The following URI1 variants were observed in gnomAD, a reference collection of about 807,000 sequenced individuals.
URI1 encodes the protein unconventional prefoldin RPB5 interactor 1.
In URI1, 39 loss-of-function variants were observed where a neutral mutation model predicts 60.2. The observed-to-expected ratio is 0.65, with a 90% confidence interval of 0.50 to 0.85. The LOEUF (loss-of-function observed/expected upper bound fraction) is 0.85, where lower values mean the gene tolerates loss of function less well. URI1 is among the 40% of genes least tolerant of loss of function. The pLI is 0.00. For missense variants in URI1, 691 were observed against 665.9 expected (o/e 1.04, Z -0.42); for synonymous variants, 251 against 236.8 (o/e 1.06, Z -0.55).
At chr19:29,997,024 A>G (rs1221065487) in intron 4 of URI1, among the ~76,000 whole-genome samples, 1 of 152,100 alleles carries the variant, frequency 6.6e-6, no homozygotes, top group Non-Finnish European at 1.5e-5. Flanking sequence ...CATTTTGTTG[A>G]GGATTTTTAT....
chr19:29,991,849 A>G (rs1012530013), intron 4 of URI1, among the ~76,000 whole-genome samples: 2 of 152,132 alleles, frequency 1.3e-5, no homozygotes, highest in East Asian at 1.9e-4. Context: ...TATTTTCTGC[A>G]TCTATTGATA....
At chr19:29,931,383 C>T (rs1428662270) in intron 1 of URI1, among the ~76,000 whole-genome samples, 1 of 152,130 alleles carries the variant, frequency 6.6e-6, no homozygotes, top group African/African-American at 2.4e-5. Context: ...TTGTCCATGA[C>T]CACCTTCTTA....
chr19:30,002,266 TA>T (rs2055888254), intron 4 of URI1, among the ~76,000 whole-genome samples: 1 of 152,092 alleles, frequency 6.6e-6, no homozygotes, highest in Admixed American at 6.6e-5. Flanking sequence ...AACTGTTAAC[TA>T]AATGTTTCTA....
intron 10 of URI1, 81 bp downstream of exon 10, chr19:30,012,612 GATTAA>G (rs1483680195): frequency 1.3e-5 from 19 of 1,497,132 alleles, no homozygotes; most frequent in East Asian, 4.6e-5. Context: ...AAAGTCATAA[GATTAA>G]ATTAATTCTA....
intron 1 of URI1, among the ~76,000 whole-genome samples, chr19:29,929,335 G>A (rs2054896192): frequency 6.7e-6 from 1 of 149,926 alleles, no homozygotes; most frequent in African/African-American, 2.5e-5. Flanking sequence ...GGTGACTCAT[G>A]CCTGTAATCC....
chr19:29,982,451 T>C (rs930672300), intron 2 of URI1, among the ~76,000 whole-genome samples: 7 of 152,312 alleles, frequency 4.6e-5, no homozygotes, highest in South Asian at 2.1e-4. Context: ...ATAAGACTTA[T>C]TGAATGGTGA....
intron 2 of URI1, among the ~76,000 whole-genome samples, chr19:29,979,966 A>G (rs929958594): frequency 1.2e-4 from 19 of 152,198 alleles, no homozygotes; most frequent in African/African-American, 4.6e-4. Context: ...ACCAAATTGC[A>G]TAAAGCATAA....
intron 1 of URI1, among the ~76,000 whole-genome samples, chr19:29,953,093 A>G (rs2055199548): frequency 6.6e-6 from 1 of 152,214 alleles, no homozygotes; most frequent in Non-Finnish European, 1.5e-5. Flanking sequence ...AAATTCATCT[A>G]GGATATTTTC....
chr19:30,001,568 A>C (rs1452174176), intron 4 of URI1, among the ~76,000 whole-genome samples: 1 of 151,852 alleles, frequency 6.6e-6, no homozygotes, highest in Non-Finnish European at 1.5e-5. Flanking sequence ...CTTTCTTGTG[A>C]GATTAGGGTT....
intron 1 of URI1, among the ~76,000 whole-genome samples, chr19:29,950,584 C>T (rs1343766105): frequency 1.3e-5 from 2 of 152,146 alleles, no homozygotes; most frequent in Non-Finnish European, 2.9e-5. Context: ...TTTCCCCCTG[C>T]AGAACCATTC....
At chr19:29,980,595 T>C (rs1482854785) in intron 2 of URI1, among the ~76,000 whole-genome samples, 2 of 102,792 alleles carry the variant, frequency 1.9e-5, no homozygotes, top group East Asian at 2.8e-4. Context: ...AAGAGAGTGA[T>C]AGAAGATTTT....
intron 4 of URI1, among the ~76,000 whole-genome samples, chr19:30,001,076 T>TA (rs1458093276): frequency 6.6e-6 from 1 of 151,894 alleles, no homozygotes; most frequent in African/African-American, 2.4e-5. Context: ...TTTTTTCTTT[T>TA]AAAGTTTTCA....
intron 2 of URI1, among the ~76,000 whole-genome samples, chr19:29,974,834 A>G (rs1237005834): frequency 6.6e-6 from 1 of 152,148 alleles, no homozygotes; most frequent in Admixed American, 6.6e-5. Flanking sequence ...GTGAGAATAT[A>G]CAGTATTTGG....
chr19:30,006,462 G>A (rs1015828166), intron 6 of URI1, among the ~76,000 whole-genome samples: 1 of 152,090 alleles, frequency 6.6e-6, no homozygotes, highest in South Asian at 2.1e-4. Flanking sequence ...ACAGGAAGTG[G>A]CTTTAGAAGG....
chr19:29,986,262 T>C lies in URI1; in HGVS notation c.232-20T>C, dbSNP rs774238227. 2.0e-6 allele frequency: 3 copies of C among 1,537,420 alleles called. No homozygotes were observed. The highest frequency in any genetic ancestry group is 1.4e-5 in the African/African-American group (1 of 70,396). ...AGTGTTTTATGTTTTTTCCCTTTTTTCTTTTTTTTTAAACAATAGGTACCA... is the reference window on the plus strand; with the variant it reads ...AGTGTTTTATGTTTTTTCCCTTTTTCCTTTTTTTTTAAACAATAGGTACCA... On this transcript the variant is annotated intron_variant, in intron 3 of 10. Coordinates refer to ENST00000392271, the MANE Select transcript of URI1 (RefSeq NM_003796.3).
intron 1 of URI1, among the ~76,000 whole-genome samples, chr19:29,948,550 C>CTTTTTT (rs559685920): frequency 1.3e-5 from 2 of 151,950 alleles, no homozygotes; most frequent in African/African-American, 4.8e-5. Context: ...GTTGAAGTTA[C>CTTTTTT]TTTTTTTTGC....
intron 1 of URI1, chr19:29,956,922 G>T (rs113739589): frequency 9.1e-7 from 1 of 1,094,102 alleles, no homozygotes; most frequent in African/African-American, 1.5e-5. Context: ...ATAACTGTGC[G>T]TCCCTTCAGA....
chr19:29,986,563 T>A, intron 4 of URI1, 146 bp downstream of exon 4: 1 of 1,015,000 alleles, frequency 9.9e-7, no homozygotes, highest in Non-Finnish European at 1.4e-6. Flanking sequence ...GTAGGTAGTT[T>A]GAGTAGAACC....
chr19:30,012,125 G>T lies in URI1; in HGVS notation c.1179-160G>T, dbSNP rs2056028567. ...TCAAAATAGTATGAAGATACCATTT[G>T]AGGCTATAAAATTATTGTGATTGTG... On this transcript the variant is annotated intron_variant, in intron 9 of 10. Coordinates refer to ENST00000392271, the MANE Select transcript of URI1 (RefSeq NM_003796.3). Among the ~76,000 whole-genome samples the T allele has an allele frequency of 3.9e-5, 6 of 152,200 alleles. No homozygotes were observed. In the South Asian group the frequency reaches 1.2e-3, roughly 31 times the overall value.
Sources: allele counts gnomAD v4.1 joint callset (sites outside exome capture counted in the v4.1 genomes callset), GRCh38; gene constraint gnomAD v4.1.1; transcripts MANE v1.5; gene names NCBI Gene and HGNC (gene_info 2026-07-23, HGNC 2026-07-21).